The following RORA variants were observed in gnomAD, a reference collection of about 807,000 sequenced individuals.
The protein encoded by RORA is RAR related orphan receptor A.
In RORA, 7 loss-of-function variants were observed where a neutral mutation model predicts 69.5. The ratio of observed to expected loss-of-function variants is 0.10; its 90% CI spans 0.06 to 0.19. The LOEUF (loss-of-function observed/expected upper bound fraction) is 0.19, where lower values mean the gene tolerates loss of function less well. Among genes scored for constraint, RORA ranks in the 10% least tolerant of loss-of-function variants. The probability of loss-of-function intolerance (pLI) is 1.00; values close to 1 mark genes in which losing one functional copy is unlikely to be tolerated. For synonymous variants in RORA, 261 were observed against 240.8 expected (o/e 1.08, Z -0.78); for missense variants, 457 against 663.0 (o/e 0.69, Z 3.41).
chr15:61,059,994 A>G (rs9302223), intron 1 of RORA, among the ~76,000 whole-genome samples: 2,229 of 85,558 alleles, frequency 0.026, 6 homozygotes, highest in South Asian at 0.046. Context: ...AAGAGGAAGA[A>G]GAAGAAGAAG....
At chr15:61,198,066 T>C (rs1454754284) in intron 1 of RORA, among the ~76,000 whole-genome samples, 2 of 152,130 alleles carry the variant, frequency 1.3e-5, no homozygotes, top group Non-Finnish European at 2.9e-5. Context: ...AGGGCCAGAC[T>C]AGAGGAAGCA....
chr15:60,514,537 T>C, intron 4 of RORA, 79 bp downstream of exon 4: 5 of 1,402,126 alleles, frequency 3.6e-6, no homozygotes, highest in Admixed American at 1.7e-5. Flanking sequence ...GGGGCAGATA[T>C]TGGCAGATCT....
Position 60,971,496 on chromosome 15 carries a change from C to T in RORA, c.166+257557G>A, listed in dbSNP as rs111394802. Reference sequence around the variant, plus strand: ...CATTTGGCCTTGGATCCAGACATATCGTGCTTTTCCCTGCTGCTGGAAATT... The same window carrying T: ...CATTTGGCCTTGGATCCAGACATATTGTGCTTTTCCCTGCTGCTGGAAATT... On this transcript the variant is annotated intron_variant, in intron 1 of 10. Coordinates refer to ENST00000335670, the MANE Select transcript of RORA (RefSeq NM_134261.3). Among the ~76,000 whole-genome samples, 385 of 152,264 alleles carry T rather than the reference C, an allele frequency of 2.5e-3. 1 individual carries two copies. The highest frequency in any genetic ancestry group is 5.8e-3 in the South Asian group (28 of 4,818).
chr15:60,544,344 G>A (rs1341264056), intron 2 of RORA, among the ~76,000 whole-genome samples: 3 of 152,146 alleles, frequency 2.0e-5, no homozygotes, highest in Non-Finnish European at 4.4e-5. Flanking sequence ...ATTCTACCTA[G>A]TAACTAATTT....
chr15:60,984,634 C>T (rs1179693445), intron 1 of RORA, among the ~76,000 whole-genome samples: 1 of 152,032 alleles, frequency 6.6e-6, no homozygotes, highest in Non-Finnish European at 1.5e-5. Context: ...TGGAGCAGAG[C>T]TGATTTGCAA....
chr15:60,901,014 G>C (rs1891377020), intron 1 of RORA, among the ~76,000 whole-genome samples: 1 of 152,056 alleles, frequency 6.6e-6, no homozygotes, highest in South Asian at 2.1e-4. Context: ...CTCTCCTTAG[G>C]TGTGTGTGCA....
At chr15:61,103,766 G>A (rs1486927152) in intron 1 of RORA, among the ~76,000 whole-genome samples, 2 of 152,134 alleles carry the variant, frequency 1.3e-5, no homozygotes, top group Non-Finnish European at 1.5e-5. Flanking sequence ...GGCAACACCA[G>A]GATCATTTGC....
intron 1 of RORA, among the ~76,000 whole-genome samples, chr15:61,148,795 G>A (rs997489842): frequency 1.3e-5 from 2 of 152,160 alleles, no homozygotes; most frequent in African/African-American, 4.8e-5. Context: ...GGATCATGAA[G>A]CCTGACTAGG....
intron 2 of RORA, among the ~76,000 whole-genome samples, chr15:60,629,170 A>C (rs2069668885): frequency 6.8e-6 from 1 of 147,634 alleles, no homozygotes; most frequent in Non-Finnish European, 1.5e-5. Context: ...GATGTTTATA[A>C]GGATTGACTG....
intron 1 of RORA, among the ~76,000 whole-genome samples, chr15:61,136,785 T>C (rs2079244216): frequency 6.6e-6 from 1 of 152,180 alleles, no homozygotes; most frequent in Non-Finnish European, 1.5e-5. Flanking sequence ...TTTGAAACTT[T>C]GTTCACAGTG....
At chr15:60,889,622 C>T (rs28692829) in intron 1 of RORA, among the ~76,000 whole-genome samples, 19,897 of 152,206 alleles carry the variant, frequency 0.13, 1,540 homozygotes, top group East Asian at 0.22. Context: ...CTGCGCTGTG[C>T]GGGAGGATGC....
At chr15:60,753,514 ACCCTTCAT>A (rs906316168) in intron 1 of RORA, among the ~76,000 whole-genome samples, 7 of 152,114 alleles carry the variant, frequency 4.6e-5, no homozygotes, top group Non-Finnish European at 1.0e-4. Flanking sequence ...TGACCTCTCC[ACCCTTCAT>A]CCCTTATCAC....
intron 1 of RORA, among the ~76,000 whole-genome samples, chr15:60,979,278 T>TATTA (rs1279162371): frequency 9.6e-5 from 4 of 41,600 alleles, no homozygotes; most frequent in Non-Finnish European, 2.2e-4. Context: ...CTTTTTTTTT[T>TATTA]TTTTTTTTTT....
chr15:60,879,924 T>A (rs560887067), intron 1 of RORA, among the ~76,000 whole-genome samples: 58 of 152,250 alleles, frequency 3.8e-4, no homozygotes, highest in African/African-American at 1.3e-3. Flanking sequence ...ATACAAGCCA[T>A]CCCCATGAAT....
At chr15:60,809,222 A>T (rs1466340943) in intron 1 of RORA, among the ~76,000 whole-genome samples, 1 of 152,248 alleles carries the variant, frequency 6.6e-6, no homozygotes, top group African/African-American at 2.4e-5. Context: ...TCTATAAATA[A>T]ATATTCCACA....
intron 1 of RORA, among the ~76,000 whole-genome samples, chr15:60,824,828 C>A (rs1049302170): frequency 6.6e-6 from 1 of 152,162 alleles, no homozygotes; most frequent in Non-Finnish European, 1.5e-5. Context: ...ATTTACTTAT[C>A]CAAAAGACCA....
intron 1 of RORA, among the ~76,000 whole-genome samples, chr15:60,881,740 C>G (rs2073682845): frequency 6.6e-6 from 1 of 152,158 alleles, no homozygotes. Flanking sequence ...AGAGACCACT[C>G]AAGAAGGAAA....
chr15:60,739,525 C>T (rs1009977476), intron 1 of RORA, among the ~76,000 whole-genome samples: 1 of 151,852 alleles, frequency 6.6e-6, no homozygotes, highest in Non-Finnish European at 1.5e-5. Flanking sequence ...GAGCCCTGAT[C>T]GCACCACTGC....
intron 2 of RORA, among the ~76,000 whole-genome samples, chr15:60,554,020 T>TACA (rs367696419): frequency 5.8e-4 from 89 of 152,262 alleles, no homozygotes; most frequent in African/African-American, 2.0e-3. Flanking sequence ...TAACCTGTCT[T>TACA]TTGTAAGTTT....
Sources: gnomAD v4.1 joint callset for allele counts (sites outside exome capture counted in the v4.1 genomes callset) on GRCh38, gnomAD v4.1.1 for gene constraint, MANE v1.5 for transcripts, NCBI Gene and HGNC (gene_info 2026-07-23, HGNC 2026-07-21) for gene names.